NPSR1: variants seen among roughly 807,000 people sequenced by gnomAD.
NPSR1 encodes the protein neuropeptide S receptor 1.
A neutral mutation model predicts 46.9 loss-of-function variants in NPSR1; 48 were observed. The observed-to-expected ratio is 1.02, with a 90% CI of 0.81 to 1.30. The LOEUF is 1.30. NPSR1 is among the 50% of genes most tolerant of loss of function. NPSR1 has a pLI of 0.00. For synonymous variants in NPSR1, 176 were observed against 168.1 expected (o/e 1.05, Z -0.36); for missense variants, 450 against 449.5 (o/e 1.00, Z -0.01).
Position 34,827,480 on chromosome 7 carries a change from G to C in NPSR1, c.558G>C (p.Gly186=). 2 of 1,614,078 alleles carry C rather than the reference G, an allele frequency of 1.2e-6. No homozygotes were observed. Among genetic ancestry groups the C allele is most frequent in the Non-Finnish European group, 8.5e-7 (1 of 1,180,010 alleles). ...LFSIPTLIIF[G]KRTLSNGEVQ... ...CCATTCCCACCCTGATCATATTTGGGAAGAGGACACTGTCCAACGGTGAAG... is the reference window on the plus strand; with the variant it reads ...CCATTCCCACCCTGATCATATTTGGCAAGAGGACACTGTCCAACGGTGAAG... The change falls in exon 5 of 9, where the codon GGG becomes GGC. Residue 186 remains glycine (G), a synonymous_variant. Transcript: ENST00000360581.
intron 2 of NPSR1, among the ~76,000 whole-genome samples, chr7:34,702,471 T>C (rs1793877463): frequency 6.6e-6 from 1 of 152,244 alleles, no homozygotes; most frequent in Non-Finnish European, 1.5e-5. Context: ...CTCCATACTT[T>C]TACTTCCATC....
intron 1 of NPSR1, among the ~76,000 whole-genome samples, chr7:34,678,314 C>A (rs188566182): frequency 6.7e-6 from 1 of 149,366 alleles, no homozygotes; most frequent in Admixed American, 6.8e-5. Context: ...CTCCGCCTCC[C>A]GGGTTCAAGC....
intron 2 of NPSR1, among the ~76,000 whole-genome samples, chr7:34,746,389 T>C (rs1243578832): frequency 2.6e-5 from 4 of 152,240 alleles, no homozygotes; most frequent in African/African-American, 9.6e-5. Context: ...CATTATCATA[T>C]GGTATCAGTA....
chr7:34,755,853 A>C (rs555817217), intron 2 of NPSR1, among the ~76,000 whole-genome samples: 18 of 152,194 alleles, frequency 1.2e-4, no homozygotes, highest in African/African-American at 4.3e-4. Flanking sequence ...TTAGGGAAAA[A>C]AATCTTTTCA....
intron 5 of NPSR1, among the ~76,000 whole-genome samples, chr7:34,832,540 C>T (rs1270280267): frequency 2.0e-5 from 3 of 152,068 alleles, no homozygotes; most frequent in East Asian, 1.9e-4. Flanking sequence ...CACACAGCAA[C>T]GCAGATGTCT....
chr7:34,790,662 A>ATAT (rs79814967), intron 3 of NPSR1, among the ~76,000 whole-genome samples: 17,780 of 144,810 alleles, frequency 0.12, 1,432 homozygotes, highest in Non-Finnish European at 0.17. Flanking sequence ...ATTATGTTAT[A>ATAT]AATATATGTT....
intron 8 of NPSR1, among the ~76,000 whole-genome samples, chr7:34,873,293 C>T (rs1243053939): frequency 6.6e-6 from 1 of 151,794 alleles, no homozygotes; most frequent in African/African-American, 2.4e-5. Flanking sequence ...CCAATCTCTG[C>T]CCATTACCCA....
chr7:34,804,529 T>G (rs555088460), intron 3 of NPSR1, among the ~76,000 whole-genome samples: 1 of 152,152 alleles, frequency 6.6e-6, no homozygotes, highest in East Asian at 1.9e-4. Flanking sequence ...CTGCCTCAAC[T>G]TCATTAACAG....
chr7:34,825,362 T>C (rs1343220855), intron 4 of NPSR1, among the ~76,000 whole-genome samples: 2 of 152,208 alleles, frequency 1.3e-5, no homozygotes, highest in Non-Finnish European at 1.5e-5. Flanking sequence ...ACTCGATGTC[T>C]ACATAAACTA....
intron 2 of NPSR1, among the ~76,000 whole-genome samples, chr7:34,703,031 G>A (rs1195317781): frequency 6.6e-6 from 1 of 152,176 alleles, no homozygotes. Context: ...TCCTCCCTTA[G>A]TGATACTTAG....
At chr7:34,830,005 C>A (rs535301431) in intron 5 of NPSR1, among the ~76,000 whole-genome samples, 1 of 152,310 alleles carries the variant, frequency 6.6e-6, no homozygotes, top group South Asian at 2.1e-4. Flanking sequence ...TGGCTCCCTG[C>A]TGCTGAAGAA....
At chr7:34,846,579 A>T (rs1790748548) in intron 7 of NPSR1, among the ~76,000 whole-genome samples, 1 of 152,214 alleles carries the variant, frequency 6.6e-6, no homozygotes, top group African/African-American at 2.4e-5. Context: ...ACACTAGAAG[A>T]ATAATGAAGT....
At chr7:34,874,855 C>T (rs1261757360) in intron 8 of NPSR1, among the ~76,000 whole-genome samples, 2 of 152,180 alleles carry the variant, frequency 1.3e-5, no homozygotes, top group East Asian at 3.9e-4. Flanking sequence ...GGACTTACTG[C>T]TCCATCAAGG....
intron 5 of NPSR1, among the ~76,000 whole-genome samples, chr7:34,829,918 C>T (rs564751953): frequency 1.2e-4 from 19 of 152,206 alleles, no homozygotes; most frequent in Admixed American, 2.0e-4. Context: ...CAGCCATGAC[C>T]TCCAGCCATC....
At chr7:34,726,843 G>A (rs1216962529) in intron 2 of NPSR1, among the ~76,000 whole-genome samples, 1 of 151,050 alleles carries the variant, frequency 6.6e-6, no homozygotes, top group Non-Finnish European at 1.5e-5. Context: ...AAAATCAGCA[G>A]CTTTCAGGGA....
At chr7:34,681,943 A>G (rs1424747891) in intron 1 of NPSR1, among the ~76,000 whole-genome samples, 3 of 152,160 alleles carry the variant, frequency 2.0e-5, no homozygotes, top group Non-Finnish European at 1.5e-5. Flanking sequence ...AACCAAAGAC[A>G]CTTTTTGAGA....
At chr7:34,794,274 A>T (rs1468480761) in intron 3 of NPSR1, among the ~76,000 whole-genome samples, 1 of 152,158 alleles carries the variant, frequency 6.6e-6, no homozygotes, top group Non-Finnish European at 1.5e-5. Context: ...TGGATATTCT[A>T]ATTACCCTGA....
intron 1 of NPSR1, 146 bp downstream of exon 1, chr7:34,658,705 T>C: frequency 1.2e-6 from 1 of 826,720 alleles, no homozygotes; most frequent in South Asian, 1.8e-5. Flanking sequence ...TCTGAAGTGC[T>C]AAAACAACAA....
chr7:34,756,319 G>A (rs965030561), intron 2 of NPSR1, among the ~76,000 whole-genome samples: 12 of 152,164 alleles, frequency 7.9e-5, no homozygotes, highest in Non-Finnish European at 1.6e-4. Flanking sequence ...AGCCAGCAGG[G>A]AGCATTTATG....
Sources: gnomAD v4.1 joint callset for allele counts (sites outside exome capture counted in the v4.1 genomes callset) on GRCh38, gnomAD v4.1.1 for gene constraint, MANE v1.5 for transcripts, NCBI Gene and HGNC (gene_info 2026-07-23, HGNC 2026-07-21) for gene names.